Variants in CDH20 observed in about 807,000 individuals in gnomAD.
CDH20 encodes the protein cadherin 20.
Under a neutral mutation model 74.2 loss-of-function variants are expected in CDH20, and 29 were observed. That is an observed-to-expected ratio of 0.39 (90% confidence interval 0.29 to 0.53). The LOEUF (loss-of-function observed/expected upper bound fraction) is 0.53. Ranked by LOEUF, CDH20 falls within the 20% of genes least tolerant of loss-of-function variation. The probability of loss-of-function intolerance (pLI) is 0.69; values close to 1 mark genes in which losing one functional copy is unlikely to be tolerated. For synonymous variants in CDH20, 469 were observed against 405.4 expected, an observed-to-expected ratio of 1.16 and a Z score of -1.88; for missense variants, 988 against 1,048.3, an observed-to-expected ratio of 0.94 and a Z score of 0.79.
At chr18:61,348,941 C>T (rs186877384) in intron 1 of CDH20, among the ~76,000 whole-genome samples, 59 of 152,168 alleles carry the variant, frequency 3.9e-4, no homozygotes, top group Non-Finnish European at 7.2e-4. Flanking sequence ...TTTTTCAGCA[C>T]GAATAGCTAG....
intron 7 of CDH20, among the ~76,000 whole-genome samples, chr18:61,534,742 G>A (rs1431695785): frequency 2.0e-5 from 3 of 152,166 alleles, no homozygotes; most frequent in Non-Finnish European, 4.4e-5. Context: ...AGGCTGGTGG[G>A]TAAAAAGGAA....
chr18:61,435,156 A>C (rs1251539843), intron 1 of CDH20, among the ~76,000 whole-genome samples: 1 of 152,070 alleles, frequency 6.6e-6, no homozygotes, highest in African/African-American at 2.4e-5. Context: ...ATTTCAGGGG[A>C]AAAAGAGTTA....
rs771784359 is a variant in CDH20 at position 61,545,069 on chromosome 18, A to T, written c.1573A>T (p.Asn525Tyr). The part of the protein sequence containing the change: ...VSAVDQDDPR[N>Y]GQHFYYSLAP... ...TGCGGTGGACCAAGATGACCCACGCAATGGTCAGCATTTCTACTACAGCTT... is the reference window on the plus strand; with the variant it reads ...TGCGGTGGACCAAGATGACCCACGCTATGGTCAGCATTTCTACTACAGCTT... The change falls in exon 10 of 12, where the codon AAT becomes TAT. Residue 525 changes from asparagine to tyrosine, a missense_variant. Transcript: ENST00000262717. 1 of 1,613,978 alleles carries T rather than the reference A, an allele frequency of 6.2e-7. No individual in the cohort carries two copies. The highest frequency in any genetic ancestry group is 2.2e-5 in the East Asian group (1 of 44,858).
intron 1 of CDH20, among the ~76,000 whole-genome samples, chr18:61,440,384 A>G (rs1908988803): frequency 6.6e-6 from 1 of 152,212 alleles, no homozygotes; most frequent in East Asian, 1.9e-4. Context: ...TATCAGAGAA[A>G]TAAAAAAGGA....
In CDH20 at chr18:61,399,396, C is replaced by T. The variant is rs554692180; in HGVS notation, c.-153+65569C>T. On this transcript the variant is annotated intron_variant, in intron 1 of 11. Coordinates refer to ENST00000262717, the MANE Select transcript of CDH20 (RefSeq NM_031891.4). The stretch of plus-strand genomic sequence containing the variant: ...GGGTCTCATTTTCCAATTTTAAAAT[C>T]CACATAGCTAGAAGGCCACATATGG... Among the ~76,000 whole-genome samples, 4 of 152,266 alleles carry T rather than the reference C, an allele frequency of 2.6e-5. No individual in the cohort carries two copies. In the East Asian group the frequency reaches 5.8e-4, roughly 22 times the overall value.
At chr18:61,527,931 C>T in intron 6 of CDH20, 36 bp from the exon 7 acceptor site, 1 of 1,610,208 alleles carries the variant, frequency 6.2e-7, no homozygotes. Context: ...TCTTGAACCT[C>T]AGTGGCGAAT....
intron 1 of CDH20, among the ~76,000 whole-genome samples, chr18:61,362,193 C>T (rs1033537558): frequency 6.6e-6 from 1 of 152,148 alleles, no homozygotes; most frequent in African/African-American, 2.4e-5. Context: ...AATCTAACAA[C>T]ATAGGAACAC....
intron 2 of CDH20, among the ~76,000 whole-genome samples, chr18:61,491,066 T>C (rs964433953): frequency 3.3e-5 from 5 of 152,280 alleles, no homozygotes; most frequent in African/African-American, 1.2e-4. Context: ...CTGCAAGAGC[T>C]ATTCAAGTCC....
chr18:61,553,937 G>A (rs1055967279), intron 11 of CDH20, among the ~76,000 whole-genome samples: 1 of 152,188 alleles, frequency 6.6e-6, no homozygotes, highest in Admixed American at 6.5e-5. Context: ...GATGGTAAGC[G>A]ACTATAGGCA....
chr18:61,547,730 CCACA>C (rs557375687), intron 10 of CDH20, among the ~76,000 whole-genome samples: 2 of 151,386 alleles, frequency 1.3e-5, no homozygotes, highest in Admixed American at 6.6e-5. Flanking sequence ...CACCCCCGCC[CCACA>C]CACACAGTGT....
At chr18:61,348,931 T>A (rs1910219410) in intron 1 of CDH20, among the ~76,000 whole-genome samples, 1 of 152,118 alleles carries the variant, frequency 6.6e-6, no homozygotes, top group Admixed American at 6.6e-5. Flanking sequence ...AAGGGGGAAA[T>A]TTTTCAGCAC....
intron 1 of CDH20, among the ~76,000 whole-genome samples, chr18:61,486,929 T>C (rs1910786812): frequency 6.6e-6 from 1 of 152,166 alleles, no homozygotes; most frequent in South Asian, 2.1e-4. Context: ...CCCAGTTCAT[T>C]TCAAGGAGAA....
At chr18:61,451,124 TATAA>T (rs986344654) in intron 1 of CDH20, among the ~76,000 whole-genome samples, 1 of 152,022 alleles carries the variant, frequency 6.6e-6, no homozygotes, top group African/African-American at 2.4e-5. Flanking sequence ...TTCTGTTATT[TATAA>T]CTTTTTTTTT....
chr18:61,453,599 G>A (rs943668518), intron 1 of CDH20, among the ~76,000 whole-genome samples: 1 of 152,138 alleles, frequency 6.6e-6, no homozygotes, highest in African/African-American at 2.4e-5. Flanking sequence ...TTTCATATTT[G>A]CTTTTTCACT....
intron 1 of CDH20, among the ~76,000 whole-genome samples, chr18:61,411,580 G>GTGTA (rs1385732655): frequency 4.1e-4 from 62 of 149,898 alleles, no homozygotes; most frequent in African/African-American, 1.5e-3. Flanking sequence ...GTGTGTGTGT[G>GTGTA]TATATATATA....
Position 61,349,138 on chromosome 18 carries a change from C to T in CDH20, c.-153+15311C>T, listed in dbSNP as rs79782068. Among the ~76,000 whole-genome samples, 1,226 of 152,264 alleles carry T rather than the reference C, an allele frequency of 8.1e-3. 14 individuals are homozygous for T. The highest frequency in any genetic ancestry group is 0.028 in the African/African-American group (1,170 of 41,546). On this transcript the variant is annotated intron_variant, in intron 1 of 11. Coordinates refer to ENST00000262717, the MANE Select transcript of CDH20 (RefSeq NM_031891.4). ...TACCAGAACAACTAACCATGGTCTC[C>T]ATCTCTGAATTCTAGACAATAAATG... is the stretch of plus-strand genomic sequence containing the variant.
At chr18:61,365,823 A>G (rs1910837014) in intron 1 of CDH20, among the ~76,000 whole-genome samples, 1 of 152,174 alleles carries the variant, frequency 6.6e-6, no homozygotes, top group Non-Finnish European at 1.5e-5. Context: ...GCAGTGTGAT[A>G]CAACATTTGG....
chr18:61,502,041 G>A (rs544300579), intron 4 of CDH20, among the ~76,000 whole-genome samples: 27 of 152,196 alleles, frequency 1.8e-4, no homozygotes, highest in East Asian at 1.2e-3. Flanking sequence ...AACTGGGGAC[G>A]GATTATTGTT....
intron 6 of CDH20, among the ~76,000 whole-genome samples, chr18:61,527,373 A>AGATAGATAGTTAGATAGAT (rs1912456417): frequency 8.1e-6 from 1 of 123,918 alleles, no homozygotes; most frequent in Admixed American, 7.8e-5. Flanking sequence ...TCTAATAGAT[A>AGATAGATAGTTAGATAGAT]GATAGATAGA....
Sources: allele counts gnomAD v4.1 joint callset (sites outside exome capture counted in the v4.1 genomes callset), GRCh38; gene constraint gnomAD v4.1.1; transcripts MANE v1.5; gene names NCBI Gene and HGNC (gene_info 2026-07-23, HGNC 2026-07-21).